GSK3A: variants seen among roughly 807,000 people sequenced by gnomAD.
GSK3A encodes glycogen synthase kinase-3 alpha.
A neutral mutation model predicts 56.6 loss-of-function variants in GSK3A; 14 were observed. The observed-to-expected ratio is 0.25, with a 90% CI of 0.16 to 0.39. The LOEUF (loss-of-function observed/expected upper bound fraction) is 0.39, where lower values mean the gene tolerates loss of function less well. GSK3A is among the 10% of genes least tolerant of loss of function. The probability of loss-of-function intolerance (pLI) is 1.00; values close to 1 mark genes in which losing one functional copy is unlikely to be tolerated. For synonymous variants in GSK3A, 301 were observed against 285.0 expected (o/e 1.06, Z -0.56); for missense variants, 450 against 656.0 (o/e 0.69, Z 3.43).
rs746536605 is a variant in GSK3A at position 42,234,688 on chromosome 19, G to A, written c.667-10C>T. On this transcript the variant is annotated splice_polypyrimidine_tract_variant and intron_variant, in intron 4 of 10. Transcript: ENST00000222330. This position sits in a 1 kb window ranked among gnomAD's most constrained non-coding sequence, Gnocchi z 5.7. ...GCTGGTACATGTACACCTGCGGCGG[G>A]CACAGGATAGCAGAACTTTAGCCCA... 1 of 1,562,630 alleles carries A rather than the reference G, an allele frequency of 6.4e-7. No homozygotes were observed. The highest frequency in any genetic ancestry group is 8.7e-7 in the Non-Finnish European group (1 of 1,151,846).
At position 42,234,661 on chromosome 19, in the gene GSK3A, G is replaced by A; in HGVS notation, c.684C>T (p.Leu228=). ...AGTGGATGTAGGCCAAGCTGCGGAA[G>A]AGCTGGTACATGTACACCTGCGGCG... ...ILYVKVYMYQ[L]FRSLAYIHSQ... is the part of the protein sequence containing the mutation. The change falls in exon 5 of 11, where the codon CTC becomes CTT. Residue 228 remains leucine, a synonymous_variant. Coordinates refer to ENST00000222330, the MANE Select transcript of GSK3A (RefSeq NM_019884.3). This position sits in a 1 kb window ranked among gnomAD's most constrained non-coding sequence, Gnocchi z 5.7. The A allele has an allele frequency of 6.2e-7, 1 of 1,607,850 alleles. No homozygotes were observed. The highest frequency in any genetic ancestry group is 8.5e-7 in the Non-Finnish European group (1 of 1,177,252).
Position 42,234,481 on chromosome 19 carries a change from G to A in GSK3A, c.798-22C>T. 6.2e-7 allele frequency: 1 copy of A among 1,613,596 alleles called. No homozygotes were observed. Among genetic ancestry groups the A allele is most frequent in the Non-Finnish European group, 8.5e-7 (1 of 1,179,526 alleles). ...TGCACTGTGGGAAGAGATGGGCAGG[G>A]GTACACGTGAGGCAAGGGTTGGGGT... On this transcript the variant is annotated intron_variant, in intron 5 of 10. Coordinates refer to ENST00000222330, the MANE Select transcript of GSK3A (RefSeq NM_019884.3). This position sits in a 1 kb window ranked among gnomAD's most constrained non-coding sequence, Gnocchi z 5.7.
Position 42,233,111 on chromosome 19 carries a change from T to C in GSK3A, c.1097A>G (p.Lys366Arg). The C allele has an allele frequency of 6.3e-7, 1 of 1,578,232 alleles. No homozygotes were observed. Among genetic ancestry groups the C allele is most frequent in the Non-Finnish European group, 8.6e-7 (1 of 1,159,166 alleles). ...FPQIKAHPWT[K>R]VFKSRTPPEA... ...CCTGAGCCCCTAGCCCTGCCCCACC[T>C]TTGTCCAGGGGTGAGCTTTAATCTG... The change falls in exon 8 of 11, where the codon AAG becomes AGG. Residue 366 changes from lysine to arginine, a missense_variant and splice_region_variant. Physicochemically the swap from Lys to Arg is conservative, Grantham distance 26. Around this residue, in one of 3 missense-constraint regions of GSK3A, gnomAD observed 144 missense variants for 308.0 expected, o/e 0.47. Transcript: ENST00000222330.
chr19:42,242,033 T>C, intron 1 of GSK3A, 150 bp downstream of exon 1: 1 of 598,170 alleles, frequency 1.7e-6, no homozygotes, highest in Non-Finnish European at 2.5e-6. Context: ...CCAAGACTCC[T>C]TTTCCTGGGA....
Position 42,233,079 on chromosome 19 carries a change from A to G in GSK3A, c.1098+31T>C, listed in dbSNP as rs533322685. On this transcript the variant is annotated intron_variant, in intron 8 of 10. Transcript: ENST00000222330. ...CTCCAAGGGGGACCAGCTCTCAGCC[A>G]TACTGCCCTGAGCCCCTAGCCCTGC... 314 of 1,412,596 alleles carry G rather than the reference A, an allele frequency of 2.2e-4. 2 individuals are homozygous for G. The South Asian group carries it at 3.9e-3, about 18-fold the overall frequency. The allele number at this position is 1,412,596 out of a possible 1,614,324, so 87.5% of individuals were successfully genotyped here.
chr19:42,239,675 C>T (rs2036279585), intron 2 of GSK3A, among the ~76,000 whole-genome samples: 1 of 152,194 alleles, frequency 6.6e-6, no homozygotes, highest in Non-Finnish European at 1.5e-5. Context: ...TTAGCTTACA[C>T]TTAGAATGGG....
chr19:42,231,320 A>T (rs892464496), intron 10 of GSK3A, among the ~76,000 whole-genome samples: 4 of 152,132 alleles, frequency 2.6e-5, no homozygotes, highest in Non-Finnish European at 5.9e-5. Flanking sequence ...GGATTGTGCC[A>T]CTGCACTCCA....
intron 8 of GSK3A, 181 bp from the exon 9 acceptor site, chr19:42,232,863 G>T: frequency 1.7e-6 from 1 of 599,182 alleles, no homozygotes; most frequent in Non-Finnish European, 2.9e-6. Context: ...CGGGTAAGCA[G>T]GCAGCCCAGG....
At chr19:42,233,730 C>T (rs1372153470) in intron 6 of GSK3A, among the ~76,000 whole-genome samples, 1 of 152,142 alleles carries the variant, frequency 6.6e-6, no homozygotes, top group Non-Finnish European at 1.5e-5. Context: ...GCCTTAAATC[C>T]TGGACTGCCT....
intron 3 of GSK3A, 69 bp from the exon 4 acceptor site, chr19:42,236,785 G>A (rs2036260135): frequency 6.8e-7 from 1 of 1,475,990 alleles, no homozygotes; most frequent in Non-Finnish European, 9.5e-7. Flanking sequence ...AGGTATGCAG[G>A]GAGCAGTGGG....
chr19:42,235,829 C>T (rs940121572), intron 4 of GSK3A, among the ~76,000 whole-genome samples: 9 of 152,308 alleles, frequency 5.9e-5, no homozygotes, highest in African/African-American at 1.4e-4. Flanking sequence ...CCCTGGGACC[C>T]GTATGCAGGC....
intron 9 of GSK3A, 117 bp downstream of exon 9, chr19:42,232,379 G>C: frequency 1.1e-6 from 1 of 925,700 alleles, no homozygotes; most frequent in South Asian, 1.5e-5. Context: ...CTGAGCCCCA[G>C]GCCTGCCTTG....
chr19:42,239,894 G>A, intron 2 of GSK3A, 61 bp downstream of exon 2: 3 of 1,409,828 alleles, frequency 2.1e-6, no homozygotes, highest in Admixed American at 1.8e-5. Context: ...CTCTGGCTCA[G>A]GTTCTCCCAC....
In GSK3A at chr19:42,230,540, G is replaced by C. The variant is rs2036216532; in HGVS notation, c.*254C>G. The C allele has an allele frequency of 9.3e-6, 5 of 538,744 alleles. No homozygotes were observed. Among genetic ancestry groups the C allele is most frequent in the African/African-American group, 1.9e-5 (1 of 52,664 alleles). 33.4% of individuals were successfully genotyped at this position (538,744 alleles called of 1,614,324 possible). ...GTCTGGGGGAGGGGAGGGGGCCAAG[G>C]GGGTAGGAGGTCCTCATCCCCCCAA... On this transcript the variant is annotated 3_prime_UTR_variant, in exon 11 of 11. Transcript: ENST00000222330.
rs535958519 is a variant in GSK3A, at chr19:42,234,533, A to G, written c.797+15T>C. 1.2e-5 allele frequency: 20 copies of G among 1,612,714 alleles called. No homozygotes were observed. In the South Asian group the frequency reaches 1.8e-4, roughly 14 times the overall value. On this transcript the variant is annotated intron_variant, in intron 5 of 10. Coordinates refer to ENST00000222330, the MANE Select transcript of GSK3A (RefSeq NM_019884.3). The surrounding 1 kb of genome is among the most constrained non-coding windows in gnomAD (Gnocchi z 5.7). ...CCCCCTGCCTCTTCAGCCACCCAAC[A>G]TGCCCCAGGCCCACCTGCCAAAATC...
At position 42,242,530 on chromosome 19, in the gene GSK3A, G is replaced by A; in HGVS notation, c.-65C>T. The A allele has an allele frequency of 1.0e-6, 1 of 998,266 alleles. No homozygotes were observed. The highest frequency in any genetic ancestry group is 4.6e-5 in the South Asian group (1 of 21,978). 61.8% of individuals were successfully genotyped at this position (998,266 alleles called of 1,614,324 possible). A position where few individuals can be genotyped will look rare whatever the true frequency, so the allele number is the denominator to read the frequency against. On this transcript the variant is annotated 5_prime_UTR_variant, in exon 1 of 11. Transcript: ENST00000222330. ...CCGGGCTGCCCCAGCCGCCGCCGCT[G>A]CCGCCGCCTCCCCCGGGCCCTGGCC...
At position 42,233,365 on chromosome 19, in the gene GSK3A, C is replaced by G; in HGVS notation, c.923G>C (p.Cys308Ser). Reference protein sequence around the residue: ...TSSIDVWSAGCVLAELLLGQP... With the variant: ...TSSIDVWSAGSVLAELLLGQP... ...GCCCAAGAGGAGCTCTGCCAGTACACAGCCAGCTGACCAAACATCTGAGGG... is the reference window on the plus strand; with the variant it reads ...GCCCAAGAGGAGCTCTGCCAGTACAGAGCCAGCTGACCAAACATCTGAGGG... Residue 308 changes from cysteine (C) to serine (S), a missense_variant, in exon 7 of 11, where the codon TGT becomes TCT. Coordinates refer to ENST00000222330, the MANE Select transcript of GSK3A (RefSeq NM_019884.3). The G allele has an allele frequency of 6.3e-7, 1 of 1,580,702 alleles. No homozygotes were observed. The highest frequency in any genetic ancestry group is 8.6e-7 in the Non-Finnish European group (1 of 1,161,450).
intron 7 of GSK3A, 36 bp downstream of exon 7, chr19:42,233,250 G>GCCCCCCCCCCCTCCCCA: frequency 1.3e-6 from 2 of 1,565,002 alleles, no homozygotes; most frequent in Admixed American, 3.5e-5. Context: ...CCATCCCTCA[G>GCCCCCCCCCCCTCCCCA]CCCCACCCCC....
At position 42,232,581 on chromosome 19, in the gene GSK3A, G is replaced by A. The variant is rs2036231301; in HGVS notation, c.1200C>T (p.His400=). ...SRLSPLEACA[H]SFFDELRCLG... is the part of the protein sequence containing the mutation. Reference sequence around the variant, plus strand: ...GACATCGCAGTTCATCAAAGAAGCTGTGCGCACAGGCCTCTAGTGGGGAGA... The same window carrying A: ...GACATCGCAGTTCATCAAAGAAGCTATGCGCACAGGCCTCTAGTGGGGAGA... The change falls in exon 9 of 11, where the codon CAC becomes CAT. Residue 400 remains histidine, a synonymous_variant. Transcript: ENST00000222330. The A allele has an allele frequency of 1.2e-6, 2 of 1,614,116 alleles. No homozygotes were observed. Among genetic ancestry groups the A allele is most frequent in the South Asian group, 1.1e-5 (1 of 91,090 alleles).
Sources: gnomAD v4.1 joint callset for allele counts (sites outside exome capture counted in the v4.1 genomes callset) on GRCh38, gnomAD v4.1.1 for gene constraint, gnomAD v4.1.1 regional missense constraint, Gnocchi (gnomAD v3.1) non-coding constraint, MANE v1.5 for transcripts, NCBI Gene and HGNC (gene_info 2026-07-23, HGNC 2026-07-21) for gene names.